Variants in MIPEP observed in about 807,000 individuals in gnomAD.
MIPEP encodes the protein mitochondrial intermediate peptidase.
In MIPEP, 79 loss-of-function variants were observed where a neutral mutation model predicts 90.3. The ratio of observed to expected loss-of-function variants is 0.87; its 90% CI spans 0.73 to 1.05. MIPEP has a LOEUF of 1.05. Among genes scored for constraint, MIPEP ranks in the 50% least tolerant of loss-of-function variants. The pLI is 0.00. For synonymous variants in MIPEP, 334 were observed against 315.8 expected (o/e 1.06, Z -0.61); for missense variants, 940 against 905.6 (o/e 1.04, Z -0.49).
chr13:23,774,847 T>C (rs1593146406), intron 16 of MIPEP, among the ~76,000 whole-genome samples: 1 of 124,516 alleles, frequency 8.0e-6, no homozygotes, highest in South Asian at 2.6e-4. Context: ...CAGGCTGAAG[T>C]GCAATGGGAT....
At chr13:23,806,406 G>A (rs191816095) in intron 15 of MIPEP, among the ~76,000 whole-genome samples, 32 of 152,260 alleles carry the variant, frequency 2.1e-4, no homozygotes, top group Admixed American at 1.4e-3. Flanking sequence ...GGCCAGGCGC[G>A]GTGGCTCACG....
At chr13:23,755,944 C>G (rs1189816286) in intron 18 of MIPEP, among the ~76,000 whole-genome samples, 1 of 151,612 alleles carries the variant, frequency 6.6e-6, no homozygotes, top group East Asian at 1.9e-4. Context: ...ACACTGTGAC[C>G]TGTTAAAATC....
chr13:23,806,218 T>C, intron 15 of MIPEP, 149 bp from the exon 16 acceptor site: 4 of 771,896 alleles, frequency 5.2e-6, no homozygotes, highest in Non-Finnish European at 8.7e-6. Flanking sequence ...GTTTGAAATG[T>C]ATTTCATACC....
At chr13:23,847,763 G>C (rs1869614669) in intron 10 of MIPEP, among the ~76,000 whole-genome samples, 1 of 152,180 alleles carries the variant, frequency 6.6e-6, no homozygotes, top group African/African-American at 2.4e-5. Flanking sequence ...TGCAGGCAAA[G>C]GGTTTGAAGC....
At chr13:23,880,810 A>C (rs1252428660) in intron 3 of MIPEP, among the ~76,000 whole-genome samples, 1 of 152,188 alleles carries the variant, frequency 6.6e-6, no homozygotes, top group Non-Finnish European at 1.5e-5. Context: ...GCACATCTTG[A>C]AGTGTTGGGT....
intron 18 of MIPEP, among the ~76,000 whole-genome samples, chr13:23,753,538 G>C (rs1487097311): frequency 6.6e-6 from 1 of 152,234 alleles, no homozygotes; most frequent in Admixed American, 6.5e-5. Flanking sequence ...GTAAAGTTAA[G>C]TAATGGAAAA....
rs765983825 is a variant in MIPEP at position 23,870,051 on chromosome 13, T to C, written c.748A>G (p.Ile250Val). 6.8e-6 allele frequency: 11 copies of C among 1,609,982 alleles called. No homozygotes were observed. Among genetic ancestry groups the C allele is most frequent in the African/African-American group, 1.3e-5 (1 of 74,784 alleles). ...RNFTSAGDHI[I>V]IDGLHAESPD... ...GATTCTGCGTGGAGACCATCAATTA[T>C]GATATGATCCCCAGCAGATGTAAAG... Residue 250 changes from isoleucine (I) to valine (V), a missense_variant, in exon 6 of 19, where the codon ATA becomes GTA. By Grantham distance (29) the Ile-to-Val change is conservative. Transcript: ENST00000382172.
chr13:23,882,289 C>T (rs1393148103), intron 2 of MIPEP, among the ~76,000 whole-genome samples: 2 of 152,028 alleles, frequency 1.3e-5, no homozygotes, highest in East Asian at 3.8e-4. Context: ...AACTTTCTGG[C>T]TAAAATTCTT....
intron 16 of MIPEP, among the ~76,000 whole-genome samples, chr13:23,789,229 T>C (rs1952877473): frequency 6.6e-6 from 1 of 152,254 alleles, no homozygotes; most frequent in African/African-American, 2.4e-5. Flanking sequence ...CCAGTTTGTT[T>C]GCCAGTACAT....
intron 16 of MIPEP, among the ~76,000 whole-genome samples, chr13:23,784,067 G>C (rs1952810103): frequency 6.6e-6 from 1 of 152,020 alleles, no homozygotes; most frequent in Admixed American, 6.6e-5. Flanking sequence ...ATAGGGTAAT[G>C]CCCTATTTAT....
At chr13:23,823,944 T>C (rs1342090837) in intron 14 of MIPEP, among the ~76,000 whole-genome samples, 2 of 152,228 alleles carry the variant, frequency 1.3e-5, no homozygotes, top group Non-Finnish European at 2.9e-5. Context: ...CCACAGCCTA[T>C]GCTATACTGC....
intron 14 of MIPEP, among the ~76,000 whole-genome samples, chr13:23,822,368 T>C (rs1238309949): frequency 6.6e-6 from 1 of 152,254 alleles, no homozygotes; most frequent in African/African-American, 2.4e-5. Context: ...AAGTTGCCTA[T>C]AAACTAAAAA....
At chr13:23,875,181 A>C (rs1399278179) in intron 4 of MIPEP, among the ~76,000 whole-genome samples, 1 of 152,056 alleles carries the variant, frequency 6.6e-6, no homozygotes, top group African/African-American at 2.4e-5. Context: ...CTTTATTCAG[A>C]GAGTACAAAC....
rs113463463 is a variant in MIPEP at position 23,785,045 on chromosome 13, T to C, written c.1848+20905A>G. 2.2e-3 allele frequency among the ~76,000 whole-genome samples: 342 copies of C among 152,346 alleles called. 1 individual carries two copies. The highest frequency in any genetic ancestry group is 6.8e-3 in the Middle Eastern group (2 of 294). On this transcript the variant is annotated intron_variant, in intron 16 of 18. Coordinates refer to ENST00000382172, the MANE Select transcript of MIPEP (RefSeq NM_005932.4). ...AACACTTTTACACTGTTGGTGGGAC[T>C]GCAAACTAGTTCAACCATTGTGGAA...
At position 23,842,499 on chromosome 13, in the gene MIPEP, A is replaced by T. The variant is rs527490346; in HGVS notation, c.1107-1011T>A. On this transcript the variant is annotated intron_variant, in intron 10 of 18. Coordinates refer to ENST00000382172, the MANE Select transcript of MIPEP (RefSeq NM_005932.4). ...AAACAGAATCCTAGTGTTGAAAGAG[A>T]CGTTCATGATCCAGTGCCCTCGCTC... The T allele has an allele frequency of 5.3e-5, 8 of 152,296 alleles. No homozygotes were observed. In the East Asian group the frequency reaches 1.5e-3, roughly 29 times the overall value. 9.4% of individuals were successfully genotyped at this position (152,296 alleles called of 1,614,324 possible). A position where few individuals can be genotyped will look rare whatever the true frequency, so the allele number is the denominator to read the frequency against.
chr13:23,770,232 G>A (rs766680055), intron 16 of MIPEP, among the ~76,000 whole-genome samples: 4 of 152,066 alleles, frequency 2.6e-5, no homozygotes, highest in South Asian at 2.1e-4. Context: ...TCACTCTCCC[G>A]TTGTTCACTG....
intron 15 of MIPEP, 82 bp downstream of exon 15, chr13:23,809,768 G>T: frequency 1.2e-6 from 1 of 834,536 alleles, no homozygotes; most frequent in Non-Finnish European, 1.9e-6. Context: ...TAATAAATAG[G>T]TATCATTGGC....
chr13:23,884,214 G>T (rs1427448584), intron 2 of MIPEP, among the ~76,000 whole-genome samples: 1 of 150,214 alleles, frequency 6.7e-6, no homozygotes. Context: ...CCAGAGGTTA[G>T]TGGGGAGGGG....
intron 18 of MIPEP, among the ~76,000 whole-genome samples, chr13:23,753,676 T>A (rs1429772097): frequency 1.3e-5 from 2 of 152,230 alleles, no homozygotes; most frequent in African/African-American, 4.8e-5. Context: ...TCCTGTGTGC[T>A]CAGGGACTTC....
Sources: gnomAD v4.1 joint callset for allele counts (sites outside exome capture counted in the v4.1 genomes callset) on GRCh38, gnomAD v4.1.1 for gene constraint, MANE v1.5 for transcripts, NCBI Gene and HGNC (gene_info 2026-07-23, HGNC 2026-07-21) for gene names.